HS6ST3: variants seen among roughly 807,000 people sequenced by gnomAD.
The protein encoded by HS6ST3 is heparan sulfate 6-O-sulfotransferase 3, also known as heparan-sulfate 6-O-sulfotransferase 3.
In HS6ST3, 12 loss-of-function variants were observed where a neutral mutation model predicts 36.7. The ratio of observed to expected loss-of-function variants is 0.33; its 90% CI spans 0.21 to 0.53. The LOEUF is 0.53. Among genes scored for constraint, HS6ST3 ranks in the 20% least tolerant of loss-of-function variants. The pLI is 0.95. For synonymous variants in HS6ST3, 240 were observed against 257.5 expected (o/e 0.93, Z 0.65); for missense variants, 584 against 640.9 (o/e 0.91, Z 0.96).
At chr13:96,689,861 G>A (rs567823549) in intron 1 of HS6ST3, among the ~76,000 whole-genome samples, 1 of 151,976 alleles carries the variant, frequency 6.6e-6, no homozygotes, top group South Asian at 2.1e-4. Flanking sequence ...GCAGTATCCA[G>A]TTTTGATTTT....
intron 1 of HS6ST3, among the ~76,000 whole-genome samples, chr13:96,157,972 C>G (rs1398455456): frequency 6.6e-6 from 1 of 152,132 alleles, no homozygotes; most frequent in Admixed American, 6.5e-5. Flanking sequence ...CGGGACTGTA[C>G]AAAGGTACCG....
At position 96,448,313 on chromosome 13, in the gene HS6ST3, GTCA is replaced by G. The variant is rs368264812; in HGVS notation, c.707+356750_707+356752del. 3.0e-3 allele frequency among the ~76,000 whole-genome samples: 462 copies of G among 152,204 alleles called. 2 individuals are homozygous for G. Among genetic ancestry groups the G allele is most frequent in the African/African-American group, 0.01 (428 of 41,522 alleles). ...ATTCCTTAAAATTTAATCAACCATT[GTCA>G]TCATCCTTATATAGGCCACCAGAAT... On this transcript the variant is annotated intron_variant, in intron 1 of 1. Coordinates refer to ENST00000376705, the MANE Select transcript of HS6ST3 (RefSeq NM_153456.4).
At position 96,691,675 on chromosome 13, in the gene HS6ST3, T is replaced by C. The variant is rs181701382; in HGVS notation, c.708-140815T>C. On this transcript the variant is annotated intron_variant, in intron 1 of 1. Transcript: ENST00000376705. ...TTCCCTCTTTCCTTTTCTTTTACTT[T>C]GTCCTATGTCTTTGAAACAACCTGA... Among the ~76,000 whole-genome samples the C allele has an allele frequency of 3.8e-3, 578 of 152,142 alleles. 1 individual carries two copies. Among genetic ancestry groups the C allele is most frequent in the Middle Eastern group, 0.017 (5 of 294 alleles).
intron 1 of HS6ST3, among the ~76,000 whole-genome samples, chr13:96,577,595 C>G (rs566721804): frequency 6.6e-6 from 1 of 152,132 alleles, no homozygotes; most frequent in Non-Finnish European, 1.5e-5. Flanking sequence ...AATCGCCTAT[C>G]CATCTGACAA....
At position 96,346,402 on chromosome 13, in the gene HS6ST3, A is replaced by G. The variant is rs186913035; in HGVS notation, c.707+254833A>G. ...ATCCTGGCTAAAACGGTGAAACCCT[A>G]TCTCTCCTAAAAATACAAAAAATTA... On this transcript the variant is annotated intron_variant, in intron 1 of 1. Transcript: ENST00000376705. 4.3e-3 allele frequency among the ~76,000 whole-genome samples: 653 copies of G among 152,046 alleles called. 5 individuals are homozygous for G. Among genetic ancestry groups the G allele is most frequent in the African/African-American group, 9.5e-3 (394 of 41,494 alleles).
intron 1 of HS6ST3, among the ~76,000 whole-genome samples, chr13:96,496,741 G>A (rs1169803846): frequency 2.0e-5 from 3 of 152,058 alleles, no homozygotes; most frequent in East Asian, 1.9e-4. Context: ...AGGGGAACAC[G>A]TTGCTATTTT....
At chr13:96,518,095 C>T in intron 1 of HS6ST3, among the ~76,000 whole-genome samples, 1 of 152,128 alleles carries the variant, frequency 6.6e-6, no homozygotes, top group East Asian at 1.9e-4. Flanking sequence ...TCTTAGCAAA[C>T]TGACACAGGA....
intron 1 of HS6ST3, among the ~76,000 whole-genome samples, chr13:96,318,378 A>G (rs1179134896): frequency 6.6e-6 from 1 of 151,990 alleles, no homozygotes; most frequent in Non-Finnish European, 1.5e-5. Flanking sequence ...CTGAAAATAC[A>G]AAAATTAGCC....
intron 1 of HS6ST3, among the ~76,000 whole-genome samples, chr13:96,706,068 A>G (rs897712969): frequency 1.3e-5 from 2 of 152,080 alleles, no homozygotes; most frequent in Non-Finnish European, 2.9e-5. Flanking sequence ...TCCTCACCAC[A>G]CTTGCCACAA....
At chr13:96,626,205 T>C (rs2056511816) in intron 1 of HS6ST3, among the ~76,000 whole-genome samples, 1 of 152,234 alleles carries the variant, frequency 6.6e-6, no homozygotes, top group Non-Finnish European at 1.5e-5. Flanking sequence ...TATATTTTGC[T>C]ATTTTTCTAT....
intron 1 of HS6ST3, among the ~76,000 whole-genome samples, chr13:96,675,145 G>A (rs1566426977): frequency 6.6e-6 from 1 of 151,956 alleles, no homozygotes; most frequent in Non-Finnish European, 1.5e-5. Flanking sequence ...GAACAGAAAC[G>A]AAACATAATA....
At chr13:96,543,487 C>T (rs890489750) in intron 1 of HS6ST3, among the ~76,000 whole-genome samples, 1 of 152,192 alleles carries the variant, frequency 6.6e-6, no homozygotes, top group Non-Finnish European at 1.5e-5. Flanking sequence ...TCTTGACTGG[C>T]AGATGTTTGC....
intron 1 of HS6ST3, among the ~76,000 whole-genome samples, chr13:96,355,783 T>C (rs2055207388): frequency 6.6e-6 from 1 of 152,158 alleles, no homozygotes; most frequent in South Asian, 2.1e-4. Context: ...GATTGACTCT[T>C]CCTTTCACAA....
intron 1 of HS6ST3, among the ~76,000 whole-genome samples, chr13:96,542,834 CCCATCTCAGT>C (rs1357668515): frequency 6.6e-6 from 1 of 152,068 alleles, no homozygotes; most frequent in Non-Finnish European, 1.5e-5. Flanking sequence ...CAAGTTCTGC[CCCATCTCAGT>C]CCATCTTTCA....
chr13:96,706,035 T>G (rs1036998638), intron 1 of HS6ST3, among the ~76,000 whole-genome samples: 3 of 152,214 alleles, frequency 2.0e-5, no homozygotes, highest in Non-Finnish European at 4.4e-5. Context: ...ATCCTTCCTT[T>G]TGGAATAATC....
At chr13:96,407,789 T>C (rs1456815126) in intron 1 of HS6ST3, among the ~76,000 whole-genome samples, 1 of 152,094 alleles carries the variant, frequency 6.6e-6, no homozygotes, top group Non-Finnish European at 1.5e-5. Context: ...ACAAGGGAAA[T>C]GCTAAAAGAA....
intron 1 of HS6ST3, among the ~76,000 whole-genome samples, chr13:96,676,356 G>T (rs2056698845): frequency 6.6e-6 from 1 of 152,068 alleles, no homozygotes; most frequent in South Asian, 2.1e-4. Flanking sequence ...ATTTTGGAAA[G>T]ACATTATGTA....
At chr13:96,322,154 C>G (rs1223063389) in intron 1 of HS6ST3, among the ~76,000 whole-genome samples, 1 of 152,146 alleles carries the variant, frequency 6.6e-6, no homozygotes, top group African/African-American at 2.4e-5. Context: ...TTCTACCACT[C>G]TATCTGTTCA....
intron 1 of HS6ST3, among the ~76,000 whole-genome samples, chr13:96,714,851 G>A (rs1265251206): frequency 3.3e-5 from 5 of 151,900 alleles, no homozygotes; most frequent in South Asian, 4.2e-4. Context: ...GCTGCACACC[G>A]CCATGCCCAG....
Sources: allele counts gnomAD v4.1 joint callset (sites outside exome capture counted in the v4.1 genomes callset), GRCh38; gene constraint gnomAD v4.1.1; transcripts MANE v1.5; gene names NCBI Gene and HGNC (gene_info 2026-07-23, HGNC 2026-07-21).